Variants in LRRC37A2 observed in about 807,000 individuals in gnomAD.
LRRC37A2 encodes leucine-rich repeat-containing protein 37A2.
Under a neutral mutation model 68.8 loss-of-function variants are expected in LRRC37A2, and 9 were observed. The ratio of observed to expected loss-of-function variants is 0.13; its 90% CI spans 0.08 to 0.23. The LOEUF (loss-of-function observed/expected upper bound fraction) is 0.23, where lower values mean the gene tolerates loss of function less well. Ranked by LOEUF, LRRC37A2 falls within the 10% of genes least tolerant of loss-of-function variation. The probability of loss-of-function intolerance (pLI) is 1.00; values close to 1 mark genes in which losing one functional copy is unlikely to be tolerated. For synonymous variants in LRRC37A2, 63 were observed against 367.6 expected (o/e 0.17, Z 9.48); for missense variants, 168 against 950.4 (o/e 0.18, Z 10.82).
the LRRC37A2 span, chr17:47,018,620 G>A: frequency 1.7e-4 from 262 of 1,520,450 alleles, no homozygotes; most frequent in Non-Finnish European, 2.3e-4. Context: ...CAGTTCAACA[G>A]GAGACTTCAT....
the LRRC37A2 span, among the ~76,000 whole-genome samples, chr17:46,819,640 C>G: frequency 6.6e-6 from 1 of 152,226 alleles, no homozygotes; most frequent in Non-Finnish European, 1.5e-5. This position sits in a 1 kb window ranked among gnomAD's most constrained non-coding sequence, Gnocchi z 5.3. Context: ...CACTGCCCGA[C>G]CGTCCCGCCT....
the LRRC37A2 span, among the ~76,000 whole-genome samples, chr17:47,000,996 C>T: frequency 6.6e-6 from 1 of 152,146 alleles, no homozygotes; most frequent in Non-Finnish European, 1.5e-5. Context: ...ATTAGCCGGG[C>T]GGGGTGGTGG....
At chr17:46,533,090 G>GA in intron 6 of LRRC37A2, among the ~76,000 whole-genome samples, 1 of 119,304 alleles carries the variant, frequency 8.4e-6, no homozygotes, top group Non-Finnish European at 1.7e-5. Flanking sequence ...GAAACAGAGT[G>GA]AAAACCTGTC....
the LRRC37A2 span, among the ~76,000 whole-genome samples, chr17:46,900,200 T>TACACAC: frequency 8.9e-5 from 9 of 100,972 alleles, no homozygotes; most frequent in African/African-American, 5.0e-4. Flanking sequence ...TATATATATA[T>TACACAC]ATACACACAC....
At chr17:47,029,328 A>C in the LRRC37A2 span, among the ~76,000 whole-genome samples, 2 of 152,128 alleles carry the variant, frequency 1.3e-5, no homozygotes, top group African/African-American at 2.4e-5. Context: ...TCTTAATTCC[A>C]TATACTTTCC....
chr17:46,558,874 C>A (rs1030909630), downstream of LRRC37A2: 19 of 99,942 alleles, frequency 1.9e-4, 1 homozygote, highest in African/African-American at 8.4e-4. Context: ...AGACGGGCCT[C>A]ACTTTGTTGC....
the LRRC37A2 span, chr17:46,875,098 C>A: frequency 6.2e-7 from 1 of 1,613,672 alleles, no homozygotes; most frequent in Non-Finnish European, 8.5e-7. Flanking sequence ...GTGCCCGATC[C>A]AGGCTTCAAA....
At chr17:46,889,893 C>T in the LRRC37A2 span, among the ~76,000 whole-genome samples, 6 of 152,186 alleles carry the variant, frequency 3.9e-5, no homozygotes, top group Non-Finnish European at 8.8e-5. Flanking sequence ...AAATGAGGAT[C>T]GAGATACTAA....
the LRRC37A2 span, among the ~76,000 whole-genome samples, chr17:46,752,860 G>A: frequency 6.6e-6 from 1 of 152,014 alleles, no homozygotes; most frequent in Non-Finnish European, 1.5e-5. Context: ...TCCACCTCCC[G>A]GGTTCAAGGG....
At chr17:46,795,729 G>T in the LRRC37A2 span, among the ~76,000 whole-genome samples, 1 of 152,212 alleles carries the variant, frequency 6.6e-6, no homozygotes, top group Non-Finnish European at 1.5e-5. Flanking sequence ...CCGCTGTGCA[G>T]TCTCAAAGCC....
chr17:46,787,357 ATGGCCAC>A, the LRRC37A2 span, among the ~76,000 whole-genome samples: 2 of 152,170 alleles, frequency 1.3e-5, no homozygotes, highest in Non-Finnish European at 2.9e-5. Flanking sequence ...CATTCTGTAA[ATGGCCAC>A]GCATGTTAGT....
At chr17:46,900,200 T>TACACACAC in the LRRC37A2 span, among the ~76,000 whole-genome samples, 13 of 100,932 alleles carry the variant, frequency 1.3e-4, no homozygotes, top group African/African-American at 6.6e-4. Flanking sequence ...TATATATATA[T>TACACACAC]ATACACACAC....
chr17:47,028,284 C>G, the LRRC37A2 span: 3 of 1,470,172 alleles, frequency 2.0e-6, no homozygotes, highest in Non-Finnish European at 2.8e-6. Flanking sequence ...TTTTAGAAAT[C>G]TTAGTTGCAA....
chr17:46,749,791 A>G, the LRRC37A2 span: 2 of 1,614,044 alleles, frequency 1.2e-6, no homozygotes, highest in South Asian at 2.2e-5. Context: ...GCTTCTTATC[A>G]TTGGGACCAC....
chr17:47,022,884 A>G, the LRRC37A2 span, among the ~76,000 whole-genome samples: 5 of 152,248 alleles, frequency 3.3e-5, no homozygotes, highest in Non-Finnish European at 5.9e-5. Context: ...AAATCCCTGT[A>G]CATGCTTCTT....
At chr17:46,874,072 C>T in the LRRC37A2 span, among the ~76,000 whole-genome samples, 183 of 152,170 alleles carry the variant, frequency 1.2e-3, no homozygotes, top group African/African-American at 4.2e-3. Flanking sequence ...GGTCTGCAGC[C>T]AAGCTAATGG....
At chr17:46,690,624 A>AT in the LRRC37A2 span, among the ~76,000 whole-genome samples, 1,836 of 110,912 alleles carry the variant, frequency 0.017, 18 homozygotes, top group African/African-American at 0.024. Context: ...AAAAAAAAAA[A>AT]ATATATATAT....
chr17:46,995,695 C>A, the LRRC37A2 span, among the ~76,000 whole-genome samples: 1 of 152,188 alleles, frequency 6.6e-6, no homozygotes, highest in Non-Finnish European at 1.5e-5. Flanking sequence ...TCATGGAGCA[C>A]CCTGTTGGCT....
chr17:46,709,420 A>G, the LRRC37A2 span, among the ~76,000 whole-genome samples: 1 of 152,128 alleles, frequency 6.6e-6, no homozygotes, highest in Admixed American at 6.5e-5. Flanking sequence ...TTTATGGTTC[A>G]GGCATCTTAA....
Sources: allele counts gnomAD v4.1 joint callset (sites outside exome capture counted in the v4.1 genomes callset), GRCh38; gene constraint gnomAD v4.1.1; non-coding constraint Gnocchi (gnomAD v3.1); transcripts MANE v1.5; gene names NCBI Gene and HGNC (gene_info 2026-07-23, HGNC 2026-07-21).